Variants in CCDC3 observed in about 807,000 individuals in gnomAD.
CCDC3 encodes the protein coiled-coil domain containing 3, also known as coiled-coil domain-containing protein 3.
CCDC3 carries 24 observed loss-of-function variants against 21.4 expected under a neutral mutation model. The ratio of observed to expected loss-of-function variants is 1.12; its 90% CI spans 0.81 to 1.58. CCDC3 has a LOEUF of 1.58. CCDC3 is among the 40% of genes most tolerant of loss of function. The pLI, the probability that CCDC3 is intolerant of heterozygous loss-of-function variation, is 0.00. For missense variants in CCDC3, 425 were observed against 360.9 expected (o/e 1.18, Z -1.44); for synonymous variants, 186 against 166.0 (o/e 1.12, Z -0.93).
chr10:13,090,468 T>A (rs571024985), intron 3 of CCDC3, among the ~76,000 whole-genome samples: 2 of 152,340 alleles, frequency 1.3e-5, no homozygotes, highest in East Asian at 3.9e-4. Context: ...TGTGCTAGAA[T>A]TCAGCCCTTT....
intron 2 of CCDC3, among the ~76,000 whole-genome samples, chr10:12,900,137 G>A (rs1383525401): frequency 6.6e-6 from 1 of 152,160 alleles, no homozygotes; most frequent in Admixed American, 6.5e-5. Context: ...ACCTCCCCAG[G>A]CATGTGGAAT....
At chr10:12,899,979 G>A (rs1394923424) in intron 2 of CCDC3, among the ~76,000 whole-genome samples, 1 of 152,214 alleles carries the variant, frequency 6.6e-6, no homozygotes, top group African/African-American at 2.4e-5. Context: ...AATCATGAAG[G>A]TGGGTTTTTC....
Position 12,920,406 on chromosome 10 carries a change from C to T in CCDC3, c.550-21727G>A, listed in dbSNP as rs79463720. ...TTTGGGTGGGGACAGAGCCAAACCA[C>T]ATCACTAAGGCTTTGGACATCAAAT... is the stretch of plus-strand genomic sequence containing the variant. On this transcript the variant is annotated intron_variant, in intron 2 of 2. Transcript: ENST00000378825. Among the ~76,000 whole-genome samples, 1,166 of 152,258 alleles carry T rather than the reference C, an allele frequency of 7.7e-3. 15 individuals carry two copies. Among genetic ancestry groups the T allele is most frequent in the East Asian group, 0.032 (163 of 5,172 alleles).
chr10:13,077,084 A>G (rs184868654), intron 3 of CCDC3, among the ~76,000 whole-genome samples: 127 of 152,360 alleles, frequency 8.3e-4, no homozygotes, highest in African/African-American at 2.9e-3. Context: ...CTATTTGCAC[A>G]TGACATCATT....
chr10:13,059,298 T>C (rs959632722), intron 4 of CCDC3, among the ~76,000 whole-genome samples: 5 of 152,188 alleles, frequency 3.3e-5, no homozygotes, highest in Admixed American at 6.5e-5. Context: ...GGACCTCTCA[T>C]GCCCCCATTT....
chr10:12,987,946 C>G (rs1835622817), intron 2 of CCDC3, among the ~76,000 whole-genome samples: 1 of 152,220 alleles, frequency 6.6e-6, no homozygotes, highest in Non-Finnish European at 1.5e-5. Flanking sequence ...GGTTTCCCAA[C>G]TGGTCTCCCT....
At chr10:12,903,203 T>C (rs1475611) in intron 2 of CCDC3, among the ~76,000 whole-genome samples, 129,710 of 152,204 alleles carry the variant, frequency 0.85, 55,788 homozygotes, top group Middle Eastern at 0.92. Context: ...CTGTGTCATG[T>C]GAATTGAGGC....
chr10:12,956,747 A>G (rs1457979419), intron 2 of CCDC3, among the ~76,000 whole-genome samples: 1 of 152,092 alleles, frequency 6.6e-6, no homozygotes, highest in Non-Finnish European at 1.5e-5. Flanking sequence ...AACTTTTAGC[A>G]CAAAGGATGT....
chr10:13,099,338 GT>G (rs1588425754), intron 1 of CCDC3: 1 of 151,496 alleles, frequency 6.6e-6, no homozygotes, highest in East Asian at 1.9e-4. Flanking sequence ...TGTTGTTGTT[GT>G]TTTGTTTTTT....
At chr10:12,980,787 C>A (rs925972013) in intron 2 of CCDC3, among the ~76,000 whole-genome samples, 1 of 151,980 alleles carries the variant, frequency 6.6e-6, no homozygotes, top group East Asian at 1.9e-4. Context: ...GACCCCACGT[C>A]TGCATGGGGG....
intron 2 of CCDC3, among the ~76,000 whole-genome samples, chr10:12,976,423 G>C (rs2131268340): frequency 6.6e-6 from 1 of 152,290 alleles, no homozygotes; most frequent in East Asian, 1.9e-4. Context: ...AATGGAGAAA[G>C]GTGTGTGTAT....
intron 2 of CCDC3, among the ~76,000 whole-genome samples, chr10:12,911,023 C>CTATAAACGACCACAGTTATTCT (rs1364025545): frequency 6.6e-6 from 1 of 152,218 alleles, no homozygotes; most frequent in Non-Finnish European, 1.5e-5. Context: ...CTGTTCCATT[C>CTATAAACGACCACAGTTATTCT]TATAAACGAC....
At chr10:13,046,917 ATTAC>A (rs1269769467) in intron 5 of CCDC3, among the ~76,000 whole-genome samples, 3 of 151,462 alleles carry the variant, frequency 2.0e-5, no homozygotes, top group East Asian at 1.9e-4. Flanking sequence ...AAAAAGATTT[ATTAC>A]TTAGTCAATA....
intron 2 of CCDC3, among the ~76,000 whole-genome samples, chr10:12,991,003 T>G (rs1297310933): frequency 2.6e-5 from 4 of 152,384 alleles, no homozygotes; most frequent in Admixed American, 6.5e-5. Context: ...CAAATACTTG[T>G]TGACCATAAG....
Position 12,898,248 on chromosome 10 carries a change from G to A in CCDC3, c.*168C>T. 1 of 815,912 alleles carries A rather than the reference G, an allele frequency of 1.2e-6. No homozygotes were observed. Among genetic ancestry groups the A allele is most frequent in the Non-Finnish European group, 1.9e-6 (1 of 533,752 alleles). The allele number at this position is 815,912 out of a possible 1,614,324, so 50.5% of individuals were successfully genotyped here. A position where few individuals can be genotyped will look rare whatever the true frequency, so the allele number is the denominator to read the frequency against. ...CGCGTGGGGTCTGACATTGAGGCCA[G>A]CACCCAAGGGGAAAGCAAGCCTTGC... On this transcript the variant is annotated 3_prime_UTR_variant, in exon 3 of 3. Coordinates refer to ENST00000378825, the MANE Select transcript of CCDC3 (RefSeq NM_031455.4).
chr10:12,900,706 A>G (rs1041431273), intron 2 of CCDC3, among the ~76,000 whole-genome samples: 41 of 149,136 alleles, frequency 2.7e-4, no homozygotes, highest in African/African-American at 9.9e-4. Flanking sequence ...AAAAAAAAAA[A>G]AAACAAACTC....
intron 3 of CCDC3, among the ~76,000 whole-genome samples, chr10:13,087,330 G>C (rs1411734446): frequency 6.6e-6 from 1 of 151,834 alleles, no homozygotes; most frequent in Non-Finnish European, 1.5e-5. Context: ...CTTGAACCCA[G>C]GAGGTAGAGG....
intron 5 of CCDC3, among the ~76,000 whole-genome samples, chr10:13,013,657 G>A (rs1457334279): frequency 6.6e-6 from 1 of 152,132 alleles, no homozygotes; most frequent in African/African-American, 2.4e-5. Context: ...TGCACCAGCT[G>A]ATAAAACATA....
intron 5 of CCDC3, among the ~76,000 whole-genome samples, chr10:13,018,410 T>C (rs579882): frequency 0.65 from 99,432 of 151,936 alleles, 33,281 homozygotes; most frequent in East Asian, 0.76. Flanking sequence ...CATCAGTATC[T>C]GCCCAGGGAA....
Sources: gnomAD v4.1 joint callset for allele counts (sites outside exome capture counted in the v4.1 genomes callset) on GRCh38, gnomAD v4.1.1 for gene constraint, MANE v1.5 for transcripts, NCBI Gene and HGNC (gene_info 2026-07-23, HGNC 2026-07-21) for gene names.